The following SIAH3 variants were observed in gnomAD, a reference collection of about 807,000 sequenced individuals.
SIAH3 encodes the protein seven in absentia homolog 3.
Under a neutral mutation model 12.6 loss-of-function variants are expected in SIAH3, and 9 were observed. That is an observed-to-expected ratio of 0.72 (90% CI 0.43 to 1.25). The LOEUF (loss-of-function observed/expected upper bound fraction) is 1.25, where lower values mean the gene tolerates loss of function less well. Ranked by LOEUF, SIAH3 falls within the 50% of genes most tolerant of loss-of-function variation. SIAH3 has a pLI of 0.00. For synonymous variants in SIAH3, 154 were observed against 151.1 expected, an observed-to-expected ratio of 1.02 and a Z score of -0.14; for missense variants, 390 against 365.4, an observed-to-expected ratio of 1.07 and a Z score of -0.55.
At chr13:45,787,908 C>T (rs1057395870) in intron 1 of SIAH3, among the ~76,000 whole-genome samples, 2 of 152,208 alleles carry the variant, frequency 1.3e-5, no homozygotes, top group Non-Finnish European at 2.9e-5. Context: ...CCTTGTCCAA[C>T]CAGCAGACCC....
chr13:45,797,198 C>A (rs1950565968), intron 1 of SIAH3, among the ~76,000 whole-genome samples: 1 of 150,984 alleles, frequency 6.6e-6, no homozygotes, highest in African/African-American at 2.4e-5. Context: ...AACGTTGGTC[C>A]TATTTTGTTC....
Position 45,847,648 on chromosome 13 carries a change from T to TGTGTGC in SIAH3, c.135+3846_135+3847insGCACAC, listed in dbSNP as rs764131044. Among the ~76,000 whole-genome samples, 44 of 150,624 alleles carry TGTGTGC rather than the reference T, an allele frequency of 2.9e-4. 1 individual carries two copies. In the South Asian group the frequency reaches 8.1e-3, roughly 28 times the overall value. On this transcript the variant is annotated intron_variant, in intron 1 of 1. Coordinates refer to ENST00000400405, the MANE Select transcript of SIAH3 (RefSeq NM_198849.3). ...GTGTGTGTGTGTGTGTGTGTGTGTG[T>TGTGTGC]GCACGTGTGTGTTTCTGTTGCACCT...
At chr13:45,829,004 T>G (rs974899941) in intron 1 of SIAH3, among the ~76,000 whole-genome samples, 2 of 152,194 alleles carry the variant, frequency 1.3e-5, no homozygotes, top group Non-Finnish European at 2.9e-5. Flanking sequence ...TCAAAGCATT[T>G]TAATAAGCAA....
intron 1 of SIAH3, among the ~76,000 whole-genome samples, chr13:45,794,112 A>C (rs1173392266): frequency 8.0e-6 from 1 of 124,562 alleles, no homozygotes; most frequent in African/African-American, 3.1e-5. Context: ...TTTTTTTTTG[A>C]GATGGAGTCT....
At chr13:45,821,187 G>C (rs894422829) in intron 1 of SIAH3, among the ~76,000 whole-genome samples, 2 of 152,164 alleles carry the variant, frequency 1.3e-5, no homozygotes, top group African/African-American at 4.8e-5. Flanking sequence ...GTGGAATTTG[G>C]AGGCAGAAAC....
chr13:45,785,663 G>C (rs1216059300), intron 1 of SIAH3, among the ~76,000 whole-genome samples: 1 of 152,232 alleles, frequency 6.6e-6, no homozygotes, highest in African/African-American at 2.4e-5. Context: ...GAGGAGGTAG[G>C]GGCCAGATCA....
Position 45,826,387 on chromosome 13 carries a change from G to A in SIAH3, c.135+25108C>T, listed in dbSNP as rs1192395828. On this transcript the variant is annotated intron_variant, in intron 1 of 1. Coordinates refer to ENST00000400405, the MANE Select transcript of SIAH3 (RefSeq NM_198849.3). ...TGGATGGATGGATGAATGAATGGAT[G>A]GATGGATGGATGGATGGATGGATGG... 1.8e-3 allele frequency among the ~76,000 whole-genome samples: 58 copies of A among 32,450 alleles called. 7 individuals carry two copies. The highest frequency in any genetic ancestry group is 2.2e-3 in the African/African-American group (18 of 8,118). 21.3% of individuals were successfully genotyped at this position (32,450 alleles called of 152,430 possible).
At chr13:45,848,181 C>G (rs1052237960) in intron 1 of SIAH3, among the ~76,000 whole-genome samples, 1 of 152,316 alleles carries the variant, frequency 6.6e-6, no homozygotes, top group African/African-American at 2.4e-5. Flanking sequence ...AATGAGGAAG[C>G]AGAGGGCAGC....
chr13:45,834,004 A>G (rs1950709252), intron 1 of SIAH3, among the ~76,000 whole-genome samples: 1 of 136,918 alleles, frequency 7.3e-6, no homozygotes, highest in African/African-American at 3.2e-5. Flanking sequence ...CTGAGGTCAA[A>G]AAGAAAAAAA....
At position 45,794,659 on chromosome 13, in the gene SIAH3, A is replaced by G. The variant is rs1408075938; in HGVS notation, c.136-10602T>C. 6.6e-5 allele frequency among the ~76,000 whole-genome samples: 10 copies of G among 152,144 alleles called. No individual in the cohort carries two copies. The East Asian group carries it at 1.7e-3, about 26-fold the overall frequency. ...TCCACACACTCTCTTGCCTGCCACC[A>G]TGTAAGACGTGCCTTTGCTCCTCCT... is the stretch of plus-strand genomic sequence containing the variant. On this transcript the variant is annotated intron_variant, in intron 1 of 1. Transcript: ENST00000400405.
At chr13:45,835,561 T>A (rs780057046) in intron 1 of SIAH3, among the ~76,000 whole-genome samples, 7 of 152,204 alleles carry the variant, frequency 4.6e-5, no homozygotes, top group Non-Finnish European at 1.0e-4. Flanking sequence ...ATTACCCCAT[T>A]TTACAGATGA....
Position 45,821,125 on chromosome 13 carries a change from T to C in SIAH3, c.135+30370A>G, listed in dbSNP as rs1020784391. 2.6e-5 allele frequency among the ~76,000 whole-genome samples: 4 copies of C among 152,286 alleles called. No homozygotes were observed. The South Asian group carries it at 6.2e-4, about 24-fold the overall frequency. On this transcript the variant is annotated intron_variant, in intron 1 of 1. Coordinates refer to ENST00000400405, the MANE Select transcript of SIAH3 (RefSeq NM_198849.3). ...GTCTTTAAAGTTGATTGAATTAAGG[T>C]GAGGTCATTAAGGTGGGCCCTAATC...
intron 1 of SIAH3, among the ~76,000 whole-genome samples, chr13:45,828,027 G>A (rs1950685067): frequency 6.6e-6 from 1 of 152,162 alleles, no homozygotes; most frequent in Admixed American, 6.5e-5. Context: ...CACAAATTAG[G>A]TAGCCAGTCC....
intron 1 of SIAH3, among the ~76,000 whole-genome samples, chr13:45,846,850 C>G (rs1355412941): frequency 6.6e-6 from 1 of 152,216 alleles, no homozygotes; most frequent in Non-Finnish European, 1.5e-5. Context: ...AACCAAATTA[C>G]TGCTCCAGGC....
chr13:45,819,256 T>C (rs765398624), intron 1 of SIAH3, among the ~76,000 whole-genome samples: 14 of 152,242 alleles, frequency 9.2e-5, no homozygotes, highest in African/African-American at 3.1e-4. Flanking sequence ...AGCAACACTA[T>C]GAATTTTACG....
intron 1 of SIAH3, among the ~76,000 whole-genome samples, chr13:45,824,457 C>T (rs986192579): frequency 6.6e-6 from 1 of 152,182 alleles, no homozygotes; most frequent in Admixed American, 6.5e-5. Context: ...CTCCATACCC[C>T]TCACCTGTCA....
intron 1 of SIAH3, among the ~76,000 whole-genome samples, chr13:45,820,995 A>G (rs887385169): frequency 2.0e-5 from 3 of 152,156 alleles, no homozygotes; most frequent in Non-Finnish European, 4.4e-5. Context: ...TCCCTTCTGC[A>G]TATATATGAG....
chr13:45,780,437 AT>A lies in SIAH3; in HGVS notation c.*2945del, dbSNP rs112759077. On this transcript the variant is annotated 3_prime_UTR_variant, in exon 2 of 2. Coordinates refer to ENST00000400405, the MANE Select transcript of SIAH3 (RefSeq NM_198849.3). ...AGGCTTGTGTCACCATGCCCAGCTG[AT>A]TTTTTTTTTTGTAGAAATGAAGTCT... 35 of 147,044 alleles carry A rather than the reference AT, an allele frequency of 2.4e-4. 1 individual carries two copies. The highest frequency in any genetic ancestry group is 8.7e-4 in the South Asian group (4 of 4,592). 9.1% of individuals were successfully genotyped at this position (147,044 alleles called of 1,614,324 possible).
At chr13:45,823,983 A>G (rs1950664943) in intron 1 of SIAH3, among the ~76,000 whole-genome samples, 2 of 152,210 alleles carry the variant, frequency 1.3e-5, no homozygotes, top group South Asian at 4.1e-4. Context: ...ACATGGGTAT[A>G]TTGAGTGATG....
Sources: gnomAD v4.1 joint callset for allele counts (sites outside exome capture counted in the v4.1 genomes callset) on GRCh38, gnomAD v4.1.1 for gene constraint, MANE v1.5 for transcripts, NCBI Gene and HGNC (gene_info 2026-07-23, HGNC 2026-07-21) for gene names.